TECR: variants seen among roughly 807,000 people sequenced by gnomAD.
TECR encodes the protein very-long-chain enoyl-CoA reductase.
TECR carries 19 observed loss-of-function variants against 50.6 expected under a neutral mutation model. The observed-to-expected ratio is 0.38, with a 90% CI of 0.26 to 0.55. TECR has a LOEUF of 0.55. Ranked by LOEUF, TECR falls within the 20% of genes least tolerant of loss-of-function variation. The pLI, the probability that TECR is intolerant of heterozygous loss-of-function variation, is 0.79. For synonymous variants in TECR, 168 were observed against 163.5 expected (o/e 1.03, Z -0.21); for missense variants, 313 against 408.3 (o/e 0.77, Z 2.01).
chr19:14,535,784 G>T (rs2072878991), intron 1 of TECR, among the ~76,000 whole-genome samples: 6 of 141,330 alleles, frequency 4.2e-5, no homozygotes, highest in South Asian at 2.2e-4. Context: ...AAAAGGGAAA[G>T]TGGTGAGCCT....
chr19:14,534,052 T>G (rs1236207470), intron 1 of TECR: 1 of 152,108 alleles, frequency 6.6e-6, no homozygotes, highest in Non-Finnish European at 1.5e-5. Context: ...TCCAGGTCAC[T>G]GCCCATTTCC....
chr19:14,548,283 C>T (rs1333784723), intron 1 of TECR, among the ~76,000 whole-genome samples: 2 of 152,056 alleles, frequency 1.3e-5, no homozygotes, highest in South Asian at 2.1e-4. Flanking sequence ...TCAAACTTTA[C>T]ATGTCCAAAA....
At chr19:14,529,503 C>A (rs1170433807), upstream of TECR, 1 of 746,032 alleles carries the variant, frequency 1.3e-6, no homozygotes, top group South Asian at 1.5e-5. Flanking sequence ...CGGACCGGCC[C>A]CAAGGAGCAG....
At chr19:14,560,591 A>G (rs2073874456) in intron 1 of TECR, among the ~76,000 whole-genome samples, 1 of 152,094 alleles carries the variant, frequency 6.6e-6, no homozygotes, top group Admixed American at 6.5e-5. Flanking sequence ...TCCATGTGCC[A>G]GCTCTTTGGC....
At chr19:14,562,775 CCCT>C (rs2073941242) in intron 2 of TECR, among the ~76,000 whole-genome samples, 200 bp downstream of exon 2, 1 of 152,160 alleles carries the variant, frequency 6.6e-6, no homozygotes, top group Non-Finnish European at 1.5e-5. Context: ...TCTCAGTGGA[CCCT>C]GCGGGGATTT....
intron 1 of TECR, chr19:14,530,955 C>T (rs1488753876): frequency 1.3e-5 from 2 of 152,324 alleles, no homozygotes; most frequent in African/African-American, 4.8e-5. Context: ...CCACCTCCAC[C>T]TCTGGCAGCC....
intron 1 of TECR, among the ~76,000 whole-genome samples, chr19:14,543,789 A>G (rs2073210940): frequency 6.6e-6 from 1 of 150,998 alleles, no homozygotes; most frequent in Non-Finnish European, 1.5e-5. Flanking sequence ...CCCAGGCTGG[A>G]GTGCAGTGGT....
At position 14,563,085 on chromosome 19, in the gene TECR, A is replaced by C; in HGVS notation, c.67-121A>C. ...GACTGCAGGCAGAGGCCTGGACCCC[A>C]GCCCTTCCCCCTTCCCATAGCTACA... On this transcript the variant is annotated intron_variant, in intron 2 of 12. Coordinates refer to ENST00000215567, the MANE Select transcript of TECR (RefSeq NM_138501.6). This position sits in a 1 kb window ranked among gnomAD's most constrained non-coding sequence, Gnocchi z 5.3. 2 of 1,222,336 alleles carry C rather than the reference A, an allele frequency of 1.6e-6. No homozygotes were observed. The highest frequency in any genetic ancestry group is 2.3e-6 in the Non-Finnish European group (2 of 851,966). The allele number at this position is 1,222,336 out of a possible 1,614,324, so 75.7% of individuals were successfully genotyped here. A position where few individuals can be genotyped will look rare whatever the true frequency, so the allele number is the denominator to read the frequency against.
chr19:14,539,762 A>G (rs1025030736), intron 1 of TECR, among the ~76,000 whole-genome samples: 13 of 151,792 alleles, frequency 8.6e-5, no homozygotes, highest in African/African-American at 3.1e-4. Flanking sequence ...CTCAGCTTCC[A>G]TGTCCCCCAG....
intron 1 of TECR, among the ~76,000 whole-genome samples, chr19:14,535,543 AATATATATATATATATATAT>A (rs747348455): frequency 0.061 from 1,982 of 32,672 alleles, 71 homozygotes; most frequent in Non-Finnish European, 0.07. Context: ...AAAAAAAAAA[AATATATATATATATATATAT>A]ATATATATAT....
Position 14,535,584 on chromosome 19 carries a change from A to ATATATG in TECR, c.15+5877_15+5882dup, listed in dbSNP as rs1555729580. Among the ~76,000 whole-genome samples, 371 of 38,476 alleles carry ATATATG rather than the reference A, an allele frequency of 9.6e-3. 15 individuals carry two copies. Among genetic ancestry groups the ATATATG allele is most frequent in the African/African-American group, 0.034 (354 of 10,488 alleles). The allele number at this position is 38,476 out of a possible 152,430, so 25.2% of individuals were successfully genotyped here. ...TATATATATATATATATATATATAT[A>ATATATG]TATATGTATGTATATATAAATTAGC... On this transcript the variant is annotated intron_variant, in intron 1 of 12. Coordinates refer to ENST00000215567, the MANE Select transcript of TECR (RefSeq NM_138501.6).
chr19:14,560,610 C>T (rs1215241518), intron 1 of TECR, among the ~76,000 whole-genome samples: 2 of 152,212 alleles, frequency 1.3e-5, no homozygotes, highest in African/African-American at 2.4e-5. Flanking sequence ...GCCTTGTTAT[C>T]GCTGTGGCTT....
intron 1 of TECR, among the ~76,000 whole-genome samples, chr19:14,546,231 G>A (rs1011307400): frequency 1.3e-5 from 2 of 151,968 alleles, no homozygotes; most frequent in Admixed American, 6.6e-5. Context: ...CACACTGAAA[G>A]TTTTTGGGCA....
At chr19:14,548,676 C>T (rs1443043771) in intron 1 of TECR, among the ~76,000 whole-genome samples, 1 of 152,090 alleles carries the variant, frequency 6.6e-6, no homozygotes, top group Non-Finnish European at 1.5e-5. Flanking sequence ...TTCCCAGGTT[C>T]AAGCAATTCT....
At chr19:14,534,722 C>T (rs906305633) in intron 1 of TECR, among the ~76,000 whole-genome samples, 1 of 152,118 alleles carries the variant, frequency 6.6e-6, no homozygotes, top group Non-Finnish European at 1.5e-5. Flanking sequence ...TAGGTGTGAG[C>T]CACCGCACCT....
chr19:14,563,414 G>A lies in TECR; in HGVS notation c.118+157G>A, dbSNP rs185593335. On this transcript the variant is annotated intron_variant, in intron 3 of 12. Coordinates refer to ENST00000215567, the MANE Select transcript of TECR (RefSeq NM_138501.6). This position sits in a 1 kb window ranked among gnomAD's most constrained non-coding sequence, Gnocchi z 5.3. ...GCGTGACTGGGGCAGGCGCCTCCAC[G>A]TGGCACTCCGCAGGAACGCCCTTGC... is the stretch of plus-strand genomic sequence containing the variant. The A allele has an allele frequency of 1.5e-5, 13 of 851,000 alleles. No homozygotes were observed. The highest frequency in any genetic ancestry group is 1.3e-4 in the Admixed American group (6 of 46,380). The allele number at this position is 851,000 out of a possible 1,614,324, so 52.7% of individuals were successfully genotyped here. A position where few individuals can be genotyped will look rare whatever the true frequency, so the allele number is the denominator to read the frequency against.
At chr19:14,562,837 G>A (rs563450034) in intron 2 of TECR, among the ~76,000 whole-genome samples, 4 of 152,224 alleles carry the variant, frequency 2.6e-5, no homozygotes, top group East Asian at 3.9e-4. Context: ...TGCTGAGGCC[G>A]GGCCTGGGGG....
At chr19:14,547,926 T>A (rs1223473843) in intron 1 of TECR, among the ~76,000 whole-genome samples, 1 of 151,906 alleles carries the variant, frequency 6.6e-6, no homozygotes, top group Admixed American at 6.6e-5. Context: ...TCCTCCTGCC[T>A]TGGCCTCCCA....
intron 1 of TECR, among the ~76,000 whole-genome samples, chr19:14,553,185 C>T (rs1419796939): frequency 2.6e-5 from 4 of 152,190 alleles, no homozygotes; most frequent in South Asian, 2.1e-4. Context: ...GGATTGCTAC[C>T]TGCTCGCTCG....
Sources: allele counts gnomAD v4.1 joint callset (sites outside exome capture counted in the v4.1 genomes callset), GRCh38; gene constraint gnomAD v4.1.1; non-coding constraint Gnocchi (gnomAD v3.1); transcripts MANE v1.5; gene names NCBI Gene and HGNC (gene_info 2026-07-23, HGNC 2026-07-21).